The following TPO variants were observed in gnomAD, a reference collection of about 807,000 sequenced individuals.
TPO encodes thyroid peroxidase.
Under a neutral mutation model 96.9 loss-of-function variants are expected in TPO, and 78 were observed. The ratio of observed to expected loss-of-function variants is 0.81; its 90% CI spans 0.67 to 0.97. TPO has a LOEUF of 0.97. Among genes scored for constraint, TPO ranks in the 50% least tolerant of loss-of-function variants. The pLI is 0.00. For synonymous variants in TPO, 547 were observed against 538.0 expected (o/e 1.02, Z -0.23); for missense variants, 1,252 against 1,274.8 (o/e 0.98, Z 0.27).
chr2:1,409,866 T>C (rs546589728), upstream of TPO, among the ~76,000 whole-genome samples: 1 of 149,032 alleles, frequency 6.7e-6, no homozygotes, highest in South Asian at 2.2e-4. Flanking sequence ...CCTCATGATC[T>C]CCCTCCTATA....
intron 15 of TPO, among the ~76,000 whole-genome samples, chr2:1,540,169 TTCAGGC>T (rs986842703): frequency 3.9e-5 from 6 of 152,110 alleles, no homozygotes; most frequent in African/African-American, 1.4e-4. Flanking sequence ...GGCTGGGGTC[TTCAGGC>T]TCAGGTTGAA....
At chr2:1,423,843 T>A (rs1664042627) in intron 3 of TPO, among the ~76,000 whole-genome samples, 1 of 152,172 alleles carries the variant, frequency 6.6e-6, no homozygotes. Flanking sequence ...TTCTAAAAAT[T>A]GAATCAAAGG....
chr2:1,499,095 T>C (rs1385686212), intron 13 of TPO, among the ~76,000 whole-genome samples: 3 of 152,178 alleles, frequency 2.0e-5, no homozygotes, highest in Non-Finnish European at 1.5e-5. Flanking sequence ...CCCAAAGTGC[T>C]ACTCACAGGC....
At chr2:1,376,681 C>A (rs1661727256) in intron 1 of TPO, among the ~76,000 whole-genome samples, 1 of 152,084 alleles carries the variant, frequency 6.6e-6, no homozygotes, top group South Asian at 2.1e-4. Context: ...CCTCCCAGAC[C>A]CATGACCGAG....
chr2:1,396,345 C>G (rs1205510055), intron 1 of TPO, among the ~76,000 whole-genome samples: 1 of 152,240 alleles, frequency 6.6e-6, no homozygotes, highest in African/African-American at 2.4e-5. Context: ...CCACTGGGGC[C>G]AGGGCAGGAG....
intron 4 of TPO, among the ~76,000 whole-genome samples, chr2:1,433,812 A>G (rs1169361752): frequency 6.6e-6 from 1 of 152,222 alleles, no homozygotes; most frequent in African/African-American, 2.4e-5. Context: ...ACTCTGGAAA[A>G]TAGCCATTTC....
intron 16 of TPO, 172 bp from the exon 17 acceptor site, chr2:1,542,249 G>A (rs759959075): frequency 4.4e-5 from 39 of 895,240 alleles, no homozygotes; most frequent in East Asian, 1.1e-4. Flanking sequence ...GCATTTGTCC[G>A]GAAGCCAGAA....
chr2:1,425,120 G>A (rs1243242348), intron 3 of TPO, among the ~76,000 whole-genome samples: 4 of 140,080 alleles, frequency 2.9e-5, no homozygotes, highest in African/African-American at 8.0e-5. Context: ...CTCCTTCTAT[G>A]CAGTCATTGT....
At chr2:1,531,472 T>A (rs1238750452) in intron 15 of TPO, among the ~76,000 whole-genome samples, 2 of 53,552 alleles carry the variant, frequency 3.7e-5, no homozygotes, top group Non-Finnish European at 6.2e-5. Context: ...GTGTGCAGCC[T>A]CCCCAAATCC....
chr2:1,375,128 GAA>G (rs5828815), intron 1 of TPO, among the ~76,000 whole-genome samples: 2 of 151,374 alleles, frequency 1.3e-5, no homozygotes, highest in Non-Finnish European at 2.9e-5. Context: ...TTTAAAAAGG[GAA>G]AAAAAAGCAT....
rs1052366287 is a variant in TPO at position 1,477,205 on chromosome 2, G to C, written c.939G>C (p.Pro313=). The C allele has an allele frequency of 6.2e-7, 1 of 1,610,006 alleles. No individual in the cohort carries two copies. Among genetic ancestry groups the C allele is most frequent in the Non-Finnish European group, 8.5e-7 (1 of 1,179,004 alleles). Residue 313 remains proline, a synonymous_variant, in exon 8 of 17, where the codon CCG becomes CCC. Transcript: ENST00000329066. Reference sequence around the variant, plus strand: ...TTGGGAACCTGTCCACGGCCAACCCGCGGCAGCAGATGAACGGGTTGACCT... The same window carrying C: ...TTGGGAACCTGTCCACGGCCAACCCCCGGCAGCAGATGAACGGGTTGACCT... ...ALFGNLSTAN[P]RQQMNGLTSF...
At position 1,501,797 on chromosome 2, in the gene TPO, G is replaced by A. The variant is rs539879441; in HGVS notation, c.2387-2151G>A. 3.3e-5 allele frequency among the ~76,000 whole-genome samples: 5 copies of A among 152,200 alleles called. No individual in the cohort carries two copies. The South Asian group carries it at 8.3e-4, about 25-fold the overall frequency. On this transcript the variant is annotated intron_variant, in intron 13 of 16. Coordinates refer to ENST00000329066, the MANE Select transcript of TPO (RefSeq NM_001206744.2). ...GCAGGAAGGACGCCCCCCGACTCCCGAGAGCCTGCTGAAGGAGCACCACCC... is the reference window on the plus strand; with the variant it reads ...GCAGGAAGGACGCCCCCCGACTCCCAAGAGCCTGCTGAAGGAGCACCACCC...
At chr2:1,531,780 C>G (rs565292373) in intron 15 of TPO, among the ~76,000 whole-genome samples, 1 of 36,446 alleles carries the variant, frequency 2.7e-5, no homozygotes, top group African/African-American at 1.3e-4. Flanking sequence ...CACCCCCACT[C>G]TCTGCAACCT....
At chr2:1,482,451 C>T (rs369616491) in intron 8 of TPO, among the ~76,000 whole-genome samples, 2 of 152,220 alleles carry the variant, frequency 1.3e-5, no homozygotes, top group South Asian at 4.1e-4. Flanking sequence ...AAGATGAGGC[C>T]TCTACATGGC....
At chr2:1,447,218 T>C (rs1373368140) in intron 5 of TPO, among the ~76,000 whole-genome samples, 1 of 152,198 alleles carries the variant, frequency 6.6e-6, no homozygotes, top group African/African-American at 2.4e-5. Context: ...ATTTACAGTC[T>C]CTTCTCTCAG....
chr2:1,515,242 T>C (rs984939028), intron 14 of TPO, among the ~76,000 whole-genome samples: 11 of 151,754 alleles, frequency 7.2e-5, no homozygotes, highest in South Asian at 4.2e-4. Flanking sequence ...TGAGAGCGAG[T>C]AGCAGCAGAT....
chr2:1,404,116 T>A (rs192894080), intron 1 of TPO, among the ~76,000 whole-genome samples: 8 of 152,340 alleles, frequency 5.3e-5, no homozygotes, highest in African/African-American at 1.9e-4. Flanking sequence ...CCGTGTTGTA[T>A]GTGATTCTGA....
At chr2:1,542,120 G>C in intron 16 of TPO, 1 of 510,522 alleles carries the variant, frequency 2.0e-6, no homozygotes, top group Non-Finnish European at 3.5e-6. Flanking sequence ...ATCTGTGGTC[G>C]CAGGGACCTG....
intron 11 of TPO, 51 bp from the exon 12 acceptor site, chr2:1,495,938 C>T (rs1185893199): frequency 1.3e-6 from 2 of 1,583,158 alleles, no homozygotes; most frequent in Non-Finnish European, 8.6e-7. Flanking sequence ...AGTGCCTGCC[C>T]TGGGGGTTCT....
Sources: gnomAD v4.1 joint callset for allele counts (sites outside exome capture counted in the v4.1 genomes callset) on GRCh38, gnomAD v4.1.1 for gene constraint, MANE v1.5 for transcripts, NCBI Gene and HGNC (gene_info 2026-07-23, HGNC 2026-07-21) for gene names.